Variants in TEF observed in about 807,000 individuals in gnomAD.
The protein encoded by TEF is thyrotroph embryonic factor.
In TEF, 3 loss-of-function variants were observed where a neutral mutation model predicts 20.8. The observed-to-expected ratio is 0.14, with a 90% CI of 0.07 to 0.37. TEF has a LOEUF of 0.37. Among genes scored for constraint, TEF ranks in the 10% least tolerant of loss-of-function variants. The pLI is 1.00. For missense variants in TEF, 296 were observed against 397.9 expected (o/e 0.74, Z 2.18); for synonymous variants, 180 against 171.1 (o/e 1.05, Z -0.41).
chr22:41,395,217 G>T (rs2037212804), intron 3 of TEF, among the ~76,000 whole-genome samples: 1 of 152,126 alleles, frequency 6.6e-6, no homozygotes, highest in Non-Finnish European at 1.5e-5. Context: ...TATTGGCCAG[G>T]CTGGTCTTAA....
Position 41,397,177 on chromosome 22 carries a change from T to C in TEF, c.*1217T>C, listed in dbSNP as rs1015069565. 2.5e-6 allele frequency: 1 copy of C among 398,436 alleles called. No individual in the cohort carries two copies. The highest frequency in any genetic ancestry group is 4.4e-6 in the Non-Finnish European group (1 of 226,104). 24.7% of individuals were successfully genotyped at this position (398,436 alleles called of 1,614,324 possible). A position where few individuals can be genotyped will look rare whatever the true frequency, so the allele number is the denominator to read the frequency against. On this transcript the variant is annotated 3_prime_UTR_variant, in exon 4 of 4. Transcript: ENST00000266304. ...ACGGGATAGCAGGCTCTTGGGACTT[T>C]TACACAGGCCTAGGGTCCCCTCAGT...
chr22:41,367,946 G>A lies in TEF; in HGVS notation c.67+347G>A, dbSNP rs746081717. Among the ~76,000 whole-genome samples, 54 of 152,248 alleles carry A rather than the reference G, an allele frequency of 3.5e-4. 1 individual carries two copies. The highest frequency in any genetic ancestry group is 6.5e-4 in the Admixed American group (10 of 15,288). On this transcript the variant is annotated intron_variant, in intron 1 of 3. Transcript: ENST00000406644. ...TGAAGCTCCCTCCCCCTGTACGCTG[G>A]GGGTGGCAGAGGAGCGGCAGGGACT...
intron 1 of TEF, among the ~76,000 whole-genome samples, chr22:41,383,807 A>G (rs893551886): frequency 3.9e-5 from 6 of 152,168 alleles, no homozygotes; most frequent in Admixed American, 6.6e-5. Flanking sequence ...CTGCTTTTCT[A>G]TCTCCTGCCT....
rs544386445 is a variant in TEF, at chr22:41,372,755, CT to C, written c.67+5157del. On this transcript the variant is annotated intron_variant, in intron 1 of 3. Coordinates refer to the TEF transcript ENST00000406644. The stretch of plus-strand genomic sequence containing the variant: ...GATTCTAGAGGGGAGAGAGAATCTG[CT>C]GTGTTTAGGCAGGAGGCGGTGGTGG... Among the ~76,000 whole-genome samples, 7 of 152,104 alleles carry C rather than the reference CT, an allele frequency of 4.6e-5. No homozygotes were observed. The South Asian group carries it at 1.5e-3, about 32-fold the overall frequency.
chr22:41,398,135 G>A lies in TEF; in HGVS notation c.*2175G>A, dbSNP rs561677306. 1.3e-5 allele frequency: 2 copies of A among 151,866 alleles called. No homozygotes were observed. Among genetic ancestry groups the A allele is most frequent in the East Asian group, 3.9e-4 (2 of 5,134 alleles). The allele number at this position is 151,866 out of a possible 1,614,324, so 9.4% of individuals were successfully genotyped here. The stretch of plus-strand genomic sequence containing the variant: ...CTTTTCGAAATGCCCCTCTGAGTCA[G>A]GAGCCTGGTGGGGACAAGATGGAGG... On this transcript the variant is annotated 3_prime_UTR_variant, in exon 4 of 4. Transcript: ENST00000266304.
chr22:41,373,459 T>C (rs2036905780), intron 1 of TEF, among the ~76,000 whole-genome samples: 1 of 152,108 alleles, frequency 6.6e-6, no homozygotes, highest in Non-Finnish European at 1.5e-5. Context: ...ATGCTATATG[T>C]ATTAGATAGT....
chr22:41,395,615 C>T, intron 3 of TEF, 130 bp from the exon 4 acceptor site: 2 of 896,218 alleles, frequency 2.2e-6, no homozygotes, highest in Non-Finnish European at 3.5e-6. Context: ...TTGTGCTGCT[C>T]CCTCCCTGGT....
intron 1 of TEF, among the ~76,000 whole-genome samples, chr22:41,368,274 T>C (rs2145956122): frequency 6.6e-6 from 1 of 152,134 alleles, no homozygotes; most frequent in East Asian, 1.9e-4. Context: ...TCTCTCCAAA[T>C]CTCTTCTGTT....
rs1380099560 is a variant in TEF, at chr22:41,396,896, C to T, written c.*936C>T. ...TTAACTTCCTGGACCCCAGGATTCA[C>T]CTTCCTAGTGGTGTTTAGAAAATGC... On this transcript the variant is annotated 3_prime_UTR_variant, in exon 4 of 4. Transcript: ENST00000266304. 2.5e-6 allele frequency: 1 copy of T among 398,592 alleles called. No individual in the cohort carries two copies. Among genetic ancestry groups the T allele is most frequent in the Non-Finnish European group, 4.4e-6 (1 of 226,066 alleles). 24.7% of individuals were successfully genotyped at this position (398,592 alleles called of 1,614,324 possible).
At chr22:41,380,617 GCT>G (rs2037005161), upstream of TEF, among the ~76,000 whole-genome samples, 1 of 152,330 alleles carries the variant, frequency 6.6e-6, no homozygotes, top group South Asian at 2.1e-4. Context: ...AACAAGCCAA[GCT>G]CTCTGCCTTC....
chr22:41,394,776 T>G (rs1228837601), intron 3 of TEF, among the ~76,000 whole-genome samples: 2 of 152,208 alleles, frequency 1.3e-5, no homozygotes, highest in Non-Finnish European at 2.9e-5. Context: ...TATGAAAAAC[T>G]TACAGCAAGG....
At chr22:41,394,358 C>T (rs2037202631) in intron 3 of TEF, 42 bp downstream of exon 3, 2 of 1,579,968 alleles carry the variant, frequency 1.3e-6, no homozygotes, top group Non-Finnish European at 8.6e-7. Flanking sequence ...AGCGTTGGTT[C>T]AAGGGCCTAG....
upstream of TEF, among the ~76,000 whole-genome samples, chr22:41,379,507 CAAAAACAAAAAACA>C (rs879413914): frequency 6.6e-6 from 1 of 151,238 alleles, no homozygotes; most frequent in Admixed American, 6.6e-5. Flanking sequence ...AACTCCGTCT[CAAAAACAAAAAACA>C]AAAAACAAAA....
chr22:41,375,478 T>C (rs752441092), intron 1 of TEF, among the ~76,000 whole-genome samples: 9 of 152,092 alleles, frequency 5.9e-5, no homozygotes, highest in Middle Eastern at 3.4e-3. Context: ...CGGCCGGGCG[T>C]GGTGGCACAC....
At chr22:41,393,182 T>TA (rs1361393554) in intron 2 of TEF, among the ~76,000 whole-genome samples, 5 of 146,984 alleles carry the variant, frequency 3.4e-5, no homozygotes, top group East Asian at 4.1e-4. Context: ...CTCTAAAAAA[T>TA]AAAAAAAAAT....
upstream of TEF, among the ~76,000 whole-genome samples, chr22:41,378,464 A>G (rs761430015): frequency 2.0e-4 from 29 of 147,410 alleles, no homozygotes; most frequent in Non-Finnish European, 3.3e-4. Flanking sequence ...TCCTGCTTCA[A>G]CCTCCCGAGT....
At chr22:41,384,321 C>T (rs1476317854) in intron 1 of TEF, among the ~76,000 whole-genome samples, 2 of 152,156 alleles carry the variant, frequency 1.3e-5, no homozygotes, top group African/African-American at 2.4e-5. Flanking sequence ...TTGCTCTCTT[C>T]TCTTTTTTTA....
intron 3 of TEF, among the ~76,000 whole-genome samples, chr22:41,394,530 TTCTC>T (rs1205498528): frequency 6.6e-6 from 1 of 152,232 alleles, no homozygotes; most frequent in Non-Finnish European, 1.5e-5. Context: ...TCCCTGTAGT[TTCTC>T]TCCTTCCCCG....
chr22:41,368,560 G>C (rs1299739153), intron 1 of TEF, among the ~76,000 whole-genome samples: 2 of 152,086 alleles, frequency 1.3e-5, no homozygotes, highest in Non-Finnish European at 2.9e-5. Context: ...CACAGCCCCC[G>C]GCCTCCCTTC....
Sources: gnomAD v4.1 joint callset for allele counts (sites outside exome capture counted in the v4.1 genomes callset) on GRCh38, gnomAD v4.1.1 for gene constraint, MANE v1.5 for transcripts, NCBI Gene and HGNC (gene_info 2026-07-23, HGNC 2026-07-21) for gene names.